Variants in SLC9A1 observed in about 807,000 individuals in gnomAD.
SLC9A1 encodes sodium/hydrogen exchanger 1.
A neutral mutation model predicts 67.9 loss-of-function variants in SLC9A1; 22 were observed. The observed-to-expected ratio is 0.32, with a 90% CI of 0.23 to 0.46. The LOEUF (loss-of-function observed/expected upper bound fraction) is 0.46. SLC9A1 is among the 20% of genes least tolerant of loss of function. SLC9A1 has a pLI of 1.00. For synonymous variants in SLC9A1, 421 were observed against 471.8 expected, an observed-to-expected ratio of 0.89 and a Z score of 1.40; for missense variants, 686 against 1,094.8, an observed-to-expected ratio of 0.63 and a Z score of 5.27.
chr1:27,133,050 G>T (rs1009853192), intron 1 of SLC9A1, among the ~76,000 whole-genome samples: 1 of 151,980 alleles, frequency 6.6e-6, no homozygotes, highest in East Asian at 1.9e-4. Context: ...GCCCAAGCCC[G>T]TCAGGGTTTT....
In SLC9A1 at chr1:27,106,593, C is replaced by G. The variant is rs906485448; in HGVS notation, c.1283-506G>C. ...GCACCAAATAAATGTGAGGTCCTGC[C>G]AGGCTTGGGGACATGGACCTAACCC... On this transcript the variant is annotated intron_variant, in intron 4 of 11. Coordinates refer to ENST00000263980, the MANE Select transcript of SLC9A1 (RefSeq NM_003047.5). The surrounding 1 kb of genome is among the most constrained non-coding windows in gnomAD (Gnocchi z 4.3). Among the ~76,000 whole-genome samples the G allele has an allele frequency of 6.6e-6, 1 of 152,090 alleles. No individual in the cohort carries two copies. Among genetic ancestry groups the G allele is most frequent in the African/African-American group, 2.4e-5 (1 of 41,404 alleles).
chr1:27,113,996 C>T lies in SLC9A1; in HGVS notation c.643G>A (p.Gly215Ser). Reference protein sequence around the residue: ...GGLMYAVCLVGGEQINNIGLL... With the variant: ...GGLMYAVCLVSGEQINNIGLL... ...CCGATGTTGTTGATCTGCTCACCGC[C>T]CACCAGGCACACGGCGTACATGAGG... Residue 215 changes from glycine to serine, a missense_variant, in exon 2 of 12, where the codon GGC (glycine) becomes AGC (serine). Physicochemically the swap from Gly to Ser is moderately conservative, Grantham distance 56. Coordinates refer to ENST00000263980, the MANE Select transcript of SLC9A1 (RefSeq NM_003047.5). The T allele has an allele frequency of 6.2e-7, 1 of 1,614,208 alleles. No homozygotes were observed. Among genetic ancestry groups the T allele is most frequent in the Non-Finnish European group, 8.5e-7 (1 of 1,180,050 alleles).
At chr1:27,145,838 A>G (rs1350090004) in intron 1 of SLC9A1, among the ~76,000 whole-genome samples, 1 of 152,220 alleles carries the variant, frequency 6.6e-6, no homozygotes, top group Non-Finnish European at 1.5e-5. Context: ...TCGGCTCTGT[A>G]TATTAGATGA....
chr1:27,103,393 G>A (rs1342151772), intron 5 of SLC9A1, 81 bp from the exon 6 acceptor site: 6 of 971,366 alleles, frequency 6.2e-6, no homozygotes, highest in Non-Finnish European at 1.0e-5. Context: ...CTCACCCCAG[G>A]CCCCCAAGGC....
chr1:27,141,099 T>G (rs1164291427), intron 1 of SLC9A1, among the ~76,000 whole-genome samples: 1 of 152,050 alleles, frequency 6.6e-6, no homozygotes, highest in Admixed American at 6.6e-5. Context: ...TCCCAGCTAC[T>G]CGGGAGGCAG....
chr1:27,154,036 C>T lies in SLC9A1; in HGVS notation c.299G>A (p.Arg100His), dbSNP rs762910272. The change falls in exon 1 of 12, where the codon CGC becomes CAC. Residue 100 changes from arginine to histidine, a missense_variant. Physicochemically the swap from Arg to His is conservative, Grantham distance 29 (BLOSUM62 0). Coordinates refer to ENST00000263980, the MANE Select transcript of SLC9A1 (RefSeq NM_003047.5). The part of the protein sequence containing the change: ...PVLGIDYTHV[R>H]TPFEISLWIL... The stretch of plus-strand genomic sequence containing the variant: ...CCAGAGGGAGATCTCGAAGGGGGTG[C>T]GCACGTGTGTGTAGTCGATGCCCAG... The T allele has an allele frequency of 5.6e-6, 9 of 1,603,698 alleles. No individual in the cohort carries two copies. The South Asian group carries it at 7.8e-5, about 14-fold the overall frequency.
chr1:27,106,238 T>C lies in SLC9A1; in HGVS notation c.1283-151A>G. ...AATTCCTGGGTCCCTCAGCCCAGAG[T>C]GCTCTGAACTCCTCAATCCAAGAGC... On this transcript the variant is annotated intron_variant, in intron 4 of 11. Transcript: ENST00000263980. This position sits in a 1 kb window ranked among gnomAD's most constrained non-coding sequence, Gnocchi z 4.3. 3.2e-6 allele frequency: 2 copies of C among 627,466 alleles called. No homozygotes were observed. The highest frequency in any genetic ancestry group is 5.7e-6 in the Non-Finnish European group (2 of 349,388). The allele number at this position is 627,466 out of a possible 1,614,324, so 38.9% of individuals were successfully genotyped here.
intron 1 of SLC9A1, among the ~76,000 whole-genome samples, chr1:27,130,183 C>T (rs1445623333): frequency 2.0e-5 from 3 of 152,230 alleles, no homozygotes; most frequent in African/African-American, 7.2e-5. Context: ...TCACTGCAAC[C>T]TCCGCCTCCT....
At chr1:27,142,578 G>T (rs1447175056) in intron 1 of SLC9A1, among the ~76,000 whole-genome samples, 2 of 152,156 alleles carry the variant, frequency 1.3e-5, no homozygotes, top group African/African-American at 4.8e-5. Flanking sequence ...AAAGGTGGTT[G>T]CTTCCCCACT....
At chr1:27,102,612 GC>G in intron 7 of SLC9A1, 54 bp from the exon 8 acceptor site, 1 of 1,611,540 alleles carries the variant, frequency 6.2e-7, no homozygotes, top group Non-Finnish European at 8.5e-7. Flanking sequence ...GTGGGGAGAT[GC>G]CCAGGCCCAG....
rs751129632 is a variant in SLC9A1, at chr1:27,102,656, C to T, written c.1646+17G>A. On this transcript the variant is annotated intron_variant, in intron 7 of 11. Coordinates refer to ENST00000263980, the MANE Select transcript of SLC9A1 (RefSeq NM_003047.5). ...TTGCCTGCCCCTCCCTGCCTGCCCA[C>T]CAGGCCTGCCACCTACTTGTCCTTC... 75 of 1,613,174 alleles carry T rather than the reference C, an allele frequency of 4.6e-5. No homozygotes were observed. Among genetic ancestry groups the T allele is most frequent in the Non-Finnish European group, 6.1e-5 (72 of 1,179,704 alleles).
At chr1:27,146,101 C>A (rs535419101) in intron 1 of SLC9A1, among the ~76,000 whole-genome samples, 1 of 152,122 alleles carries the variant, frequency 6.6e-6, no homozygotes, top group Non-Finnish European at 1.5e-5. Flanking sequence ...GCAGGGGGAG[C>A]GAGTGCTGCA....
chr1:27,146,783 A>G (rs543514415), intron 1 of SLC9A1, among the ~76,000 whole-genome samples: 43 of 152,292 alleles, frequency 2.8e-4, no homozygotes, highest in African/African-American at 1.0e-3. Flanking sequence ...CTGTCTCAAA[A>G]ATAAACAAAA....
chr1:27,110,311 C>T (rs1174420228), intron 2 of SLC9A1, among the ~76,000 whole-genome samples: 3 of 152,150 alleles, frequency 2.0e-5, no homozygotes, highest in Non-Finnish European at 4.4e-5. Flanking sequence ...AAAAAAGGGA[C>T]GTTCACACAA....
intron 1 of SLC9A1, among the ~76,000 whole-genome samples, chr1:27,135,110 CACAAT>C (rs2083411064): frequency 6.6e-6 from 1 of 150,392 alleles, no homozygotes; most frequent in Non-Finnish European, 1.5e-5. Context: ...AGTGCAGTGG[CACAAT>C]CATGGCTCAC....
chr1:27,129,767 C>T lies in SLC9A1; in HGVS notation c.353-15481G>A, dbSNP rs12093902. On this transcript the variant is annotated intron_variant, in intron 1 of 11. Coordinates refer to ENST00000263980, the MANE Select transcript of SLC9A1 (RefSeq NM_003047.5). ...TGCTTGGAACATGGTGCCAACCCCC[C>T]CATTCCACTCCCACTTCTTTTTTTT... 5.6e-3 allele frequency among the ~76,000 whole-genome samples: 860 copies of T among 152,300 alleles called. 10 individuals carry two copies. Among genetic ancestry groups the T allele is most frequent in the African/African-American group, 0.019 (800 of 41,556 alleles).
At chr1:27,144,221 C>T (rs1171903351) in intron 1 of SLC9A1, among the ~76,000 whole-genome samples, 1 of 152,172 alleles carries the variant, frequency 6.6e-6, no homozygotes, top group African/African-American at 2.4e-5. Context: ...CATTAATTCA[C>T]AGTCACAGTG....
At chr1:27,145,991 T>C (rs2083482705) in intron 1 of SLC9A1, among the ~76,000 whole-genome samples, 1 of 152,230 alleles carries the variant, frequency 6.6e-6, no homozygotes, top group Non-Finnish European at 1.5e-5. Context: ...ACGGGCTGCT[T>C]TAAAGTATCA....
intron 1 of SLC9A1, among the ~76,000 whole-genome samples, chr1:27,139,102 ACT>A (rs1422888801): frequency 6.6e-6 from 1 of 152,016 alleles, no homozygotes; most frequent in Non-Finnish European, 1.5e-5. Context: ...CCGCCCACCT[ACT>A]GTCTTATTTC....
Sources: allele counts gnomAD v4.1 joint callset (sites outside exome capture counted in the v4.1 genomes callset), GRCh38; gene constraint gnomAD v4.1.1; non-coding constraint Gnocchi (gnomAD v3.1); transcripts MANE v1.5; gene names NCBI Gene and HGNC (gene_info 2026-07-23, HGNC 2026-07-21).